The following CCBE1 variants were observed in gnomAD, a reference collection of about 807,000 sequenced individuals.
CCBE1 encodes the protein collagen and calcium binding EGF domains 1, also known as collagen and calcium-binding EGF domain-containing protein 1.
Under a neutral mutation model 50.0 loss-of-function variants are expected in CCBE1, and 37 were observed. That is an observed-to-expected ratio of 0.74 (90% CI 0.57 to 0.97). The LOEUF (loss-of-function observed/expected upper bound fraction) is 0.97, where lower values mean the gene tolerates loss of function less well. Ranked by LOEUF, CCBE1 falls within the 50% of genes least tolerant of loss-of-function variation. CCBE1 has a pLI of 0.00. For missense variants in CCBE1, 538 were observed against 523.8 expected, an observed-to-expected ratio of 1.03 and a Z score of -0.26; for synonymous variants, 234 against 203.7, an observed-to-expected ratio of 1.15 and a Z score of -1.27.
At chr18:59,497,938 A>G (rs1205371214) in intron 2 of CCBE1, among the ~76,000 whole-genome samples, 1 of 152,198 alleles carries the variant, frequency 6.6e-6, no homozygotes, top group African/African-American at 2.4e-5. Flanking sequence ...GCTCTAAACA[A>G]ACATGAACCC....
intron 2 of CCBE1, among the ~76,000 whole-genome samples, chr18:59,582,329 C>T (rs1347554011): frequency 1.3e-5 from 2 of 152,190 alleles, no homozygotes; most frequent in Non-Finnish European, 2.9e-5. Context: ...GCCACTTCCA[C>T]TGATTTCTTC....
At chr18:59,547,080 A>AC (rs1491575459) in intron 2 of CCBE1, among the ~76,000 whole-genome samples, 2 of 106,636 alleles carry the variant, frequency 1.9e-5, no homozygotes, top group Non-Finnish European at 3.7e-5. Flanking sequence ...AGGGGGAGAG[A>AC]AAGGGAGAGA....
intron 2 of CCBE1, among the ~76,000 whole-genome samples, chr18:59,544,278 C>T (rs112566840): frequency 2.6e-5 from 4 of 152,278 alleles, no homozygotes; most frequent in African/African-American, 9.6e-5. Context: ...TTAACTGATC[C>T]TTTCCATGGA....
intron 2 of CCBE1, among the ~76,000 whole-genome samples, chr18:59,602,127 T>A (rs1045384699): frequency 3.3e-4 from 50 of 150,964 alleles, no homozygotes; most frequent in African/African-American, 1.0e-3. Flanking sequence ...TTTTTTTTTT[T>A]AATATATTTT....
intron 10 of CCBE1, among the ~76,000 whole-genome samples, chr18:59,436,374 T>C (rs989470621): frequency 6.6e-6 from 1 of 152,198 alleles, no homozygotes; most frequent in Admixed American, 6.5e-5. Flanking sequence ...CTCCTAACGC[T>C]TTATCAAATC....
At chr18:59,598,456 C>A (rs989223392) in intron 2 of CCBE1, among the ~76,000 whole-genome samples, 2 of 152,128 alleles carry the variant, frequency 1.3e-5, no homozygotes, top group Non-Finnish European at 2.9e-5. Flanking sequence ...TGCAGATGAC[C>A]GGCAGGACCT....
rs199609938 is a variant in CCBE1 at position 59,489,987 on chromosome 18, G to GTTTTT, written c.213-9754_213-9750dup. Among the ~76,000 whole-genome samples the GTTTTT allele has an allele frequency of 2.5e-3, 308 of 122,184 alleles. 17 individuals are homozygous for GTTTTT. The highest frequency in any genetic ancestry group is 0.011 in the East Asian group (43 of 4,038). 80.2% of individuals were successfully genotyped at this position (122,184 alleles called of 152,430 possible). A position where few individuals can be genotyped will look rare whatever the true frequency, so the allele number is the denominator to read the frequency against. On this transcript the variant is annotated intron_variant, in intron 2 of 10. Coordinates refer to ENST00000439986, the MANE Select transcript of CCBE1 (RefSeq NM_133459.4). ...GTATATACTTATATACGCATAAGGA[G>GTTTTT]TTTTTTTTTTTTTTTTTGAGATGGA...
At chr18:59,679,946 G>A (rs960408509) in intron 2 of CCBE1, among the ~76,000 whole-genome samples, 6 of 152,142 alleles carry the variant, frequency 3.9e-5, no homozygotes, top group African/African-American at 1.4e-4. Flanking sequence ...AATCAAGGCC[G>A]GGCACAGTTG....
rs1491540691 is a variant in CCBE1, at chr18:59,693,863, CCT to C, written c.212+2764_212+2765del. Among the ~76,000 whole-genome samples, 3 of 90,138 alleles carry C rather than the reference CCT, an allele frequency of 3.3e-5. No individual in the cohort carries two copies. In the East Asian group the frequency reaches 1.1e-3, roughly 33 times the overall value. 59.1% of individuals were successfully genotyped at this position (90,138 alleles called of 152,430 possible). ...GAGAATATTTCTTGTTAAAGGAAAGCCTTTTTTTTTTTTTTTTTTTTTTTTTT... is the reference window on the plus strand; with the variant it reads ...GAGAATATTTCTTGTTAAAGGAAAGCTTTTTTTTTTTTTTTTTTTTTTTTT... On this transcript the variant is annotated intron_variant, in intron 2 of 10. Transcript: ENST00000439986.
intron 2 of CCBE1, among the ~76,000 whole-genome samples, chr18:59,650,045 G>A (rs1448953810): frequency 6.6e-6 from 1 of 152,048 alleles, no homozygotes; most frequent in East Asian, 1.9e-4. Context: ...CCAGCTGGGA[G>A]CCACCCTCCA....
intron 2 of CCBE1, among the ~76,000 whole-genome samples, chr18:59,505,823 G>A (rs185113671): frequency 3.9e-4 from 59 of 152,330 alleles, no homozygotes; most frequent in Admixed American, 1.4e-3. Context: ...TAGGGGGTAA[G>A]AAACTTACTA....
At chr18:59,474,330 T>C (rs1912208040) in intron 3 of CCBE1, among the ~76,000 whole-genome samples, 2 of 152,264 alleles carry the variant, frequency 1.3e-5, no homozygotes, top group South Asian at 4.1e-4. Flanking sequence ...ACGGTGTATT[T>C]AAAACAGATT....
chr18:59,451,082 GT>G lies in CCBE1; in HGVS notation c.655-2980del, dbSNP rs140615890. Among the ~76,000 whole-genome samples the G allele has an allele frequency of 0.012, 1,781 of 152,256 alleles. 121 individuals are homozygous for G. The East Asian group carries it at 0.21, about 18-fold the overall frequency. ...TTGCTGATTTAACACCGTTGGCATG[GT>G]TTCCCCATAAGACAGTAAGTTTATT... On this transcript the variant is annotated intron_variant, in intron 6 of 10. Coordinates refer to ENST00000439986, the MANE Select transcript of CCBE1 (RefSeq NM_133459.4).
intron 2 of CCBE1, among the ~76,000 whole-genome samples, chr18:59,574,535 A>G (rs753663907): frequency 5.3e-5 from 8 of 152,180 alleles, no homozygotes; most frequent in Non-Finnish European, 1.0e-4. Context: ...CTTCCTCCCA[A>G]AAGTTATTTC....
chr18:59,694,485 C>T (rs576851869), intron 2 of CCBE1, among the ~76,000 whole-genome samples: 1 of 152,304 alleles, frequency 6.6e-6, no homozygotes, highest in African/African-American at 2.4e-5. Flanking sequence ...CTAAATAGGT[C>T]TGCATGCGTC....
intron 2 of CCBE1, among the ~76,000 whole-genome samples, chr18:59,648,746 AC>A (rs1168138290): frequency 6.6e-6 from 1 of 152,198 alleles, no homozygotes; most frequent in African/African-American, 2.4e-5. Context: ...GAACAGGGCA[AC>A]TTTTGGTGCA....
Position 59,435,793 on chromosome 18 carries a change from G to T in CCBE1, c.*115C>A, listed in dbSNP as rs985114802. The T allele has an allele frequency of 1.6e-5, 15 of 942,792 alleles. No individual in the cohort carries two copies. The highest frequency in any genetic ancestry group is 1.5e-4 in the African/African-American group (9 of 61,626). 58.4% of individuals were successfully genotyped at this position (942,792 alleles called of 1,614,324 possible). A position where few individuals can be genotyped will look rare whatever the true frequency, so the allele number is the denominator to read the frequency against. The stretch of plus-strand genomic sequence containing the variant: ...GAGGAGTGGAGAGACGTCAGGAGAA[G>T]AGAAGAGAAAAATGTATGTTTTCTA... On this transcript the variant is annotated 3_prime_UTR_variant, in exon 11 of 11. Coordinates refer to ENST00000439986, the MANE Select transcript of CCBE1 (RefSeq NM_133459.4).
intron 2 of CCBE1, among the ~76,000 whole-genome samples, chr18:59,550,728 A>G (rs922577591): frequency 6.6e-6 from 1 of 152,208 alleles, no homozygotes; most frequent in Non-Finnish European, 1.5e-5. Flanking sequence ...TCATGGAGAC[A>G]GAAAAATACA....
At chr18:59,481,208 T>C (rs1912554836) in intron 2 of CCBE1, among the ~76,000 whole-genome samples, 1 of 152,128 alleles carries the variant, frequency 6.6e-6, no homozygotes. Context: ...CTGCTGGATG[T>C]GCTTAGCAGA....
Sources: gnomAD v4.1 joint callset for allele counts (sites outside exome capture counted in the v4.1 genomes callset) on GRCh38, gnomAD v4.1.1 for gene constraint, MANE v1.5 for transcripts, NCBI Gene and HGNC (gene_info 2026-07-23, HGNC 2026-07-21) for gene names.